DOCK1: variants seen among roughly 807,000 people sequenced by gnomAD.
DOCK1 encodes the protein dedicator of cytokinesis 1, also known as dedicator of cytokinesis protein 1.
In DOCK1, 138 loss-of-function variants were observed where a neutral mutation model predicts 262.7. That is an observed-to-expected ratio of 0.53 (90% CI 0.46 to 0.61). DOCK1 has a LOEUF of 0.61. DOCK1 is among the 20% of genes least tolerant of loss of function. The pLI is 0.00. For missense variants in DOCK1, 1,908 were observed against 2,370.7 expected, an observed-to-expected ratio of 0.80 and a Z score of 4.05; for synonymous variants, 866 against 867.4, an observed-to-expected ratio of 1.00 and a Z score of 0.03.
At chr10:127,075,316 G>A (rs2046462188) in intron 23 of DOCK1, among the ~76,000 whole-genome samples, 2 of 151,810 alleles carry the variant, frequency 1.3e-5, no homozygotes, top group African/African-American at 4.8e-5. Context: ...CTGTCACTTA[G>A]GCTGTAGTGC....
chr10:127,431,563 C>G (rs1312434322), intron 47 of DOCK1, among the ~76,000 whole-genome samples: 1 of 152,226 alleles, frequency 6.6e-6, no homozygotes, highest in Non-Finnish European at 1.5e-5. Flanking sequence ...CAGTGAACAT[C>G]TCCATGAAGC....
At chr10:127,289,267 G>A (rs1019175355) in intron 29 of DOCK1, among the ~76,000 whole-genome samples, 1 of 152,170 alleles carries the variant, frequency 6.6e-6, no homozygotes, top group Non-Finnish European at 1.5e-5. Context: ...CTGGAGACTG[G>A]CGTGTTGTAG....
chr10:127,290,777 C>G (rs1352712396), intron 29 of DOCK1, among the ~76,000 whole-genome samples: 1 of 152,170 alleles, frequency 6.6e-6, no homozygotes, highest in Non-Finnish European at 1.5e-5. Context: ...CCTTTTATTA[C>G]TGAGTAGTAT....
rs2069250253 is a variant in DOCK1, at chr10:127,431,049, G to A, written c.4915-2234G>A. 2.6e-5 allele frequency among the ~76,000 whole-genome samples: 4 copies of A among 151,972 alleles called. No homozygotes were observed. In the South Asian group the frequency reaches 8.3e-4, roughly 32 times the overall value. On this transcript the variant is annotated intron_variant, in intron 47 of 51. Coordinates refer to ENST00000623213, the MANE Select transcript of DOCK1 (RefSeq NM_001290223.2). ...GTTCTAATGCTGGCCCTCTGGGCAG[G>A]GAAGACTGCTCCCTGTGTGCTCAGG... is the stretch of plus-strand genomic sequence containing the variant.
At chr10:127,107,651 A>G (rs2048611520) in intron 24 of DOCK1, among the ~76,000 whole-genome samples, 1 of 152,170 alleles carries the variant, frequency 6.6e-6, no homozygotes, top group African/African-American at 2.4e-5. Flanking sequence ...TTGTTAGAGA[A>G]AGCCAAACTT....
intron 27 of DOCK1, among the ~76,000 whole-genome samples, chr10:127,233,769 ATGTTGATC>A (rs2058941559): frequency 6.6e-6 from 1 of 152,246 alleles, no homozygotes; most frequent in African/African-American, 2.4e-5. Flanking sequence ...ATTATAAAAA[ATGTTGATC>A]TTCTAAGTTT....
chr10:127,282,789 C>A (rs1398519255), intron 29 of DOCK1, among the ~76,000 whole-genome samples: 1 of 152,222 alleles, frequency 6.6e-6, no homozygotes, highest in Non-Finnish European at 1.5e-5. Flanking sequence ...GCAAGCTCTG[C>A]CTTGGCGACA....
chr10:127,422,933 TC>T (rs2068601229), intron 46 of DOCK1, among the ~76,000 whole-genome samples: 1 of 152,178 alleles, frequency 6.6e-6, no homozygotes, highest in South Asian at 2.1e-4. Flanking sequence ...AATAATTTGT[TC>T]CCCAGAGAGC....
At chr10:127,120,404 C>A (rs1474503951) in intron 25 of DOCK1, among the ~76,000 whole-genome samples, 2 of 152,142 alleles carry the variant, frequency 1.3e-5, no homozygotes, top group Non-Finnish European at 2.9e-5. Context: ...ATTCTAGTTG[C>A]CACATTTTAA....
intron 38 of DOCK1, among the ~76,000 whole-genome samples, chr10:127,387,185 C>T (rs1029182422): frequency 6.6e-6 from 1 of 152,192 alleles, no homozygotes; most frequent in Non-Finnish European, 1.5e-5. Flanking sequence ...CGTTGGCTCC[C>T]GCGACCTCTC....
intron 29 of DOCK1, among the ~76,000 whole-genome samples, chr10:127,307,951 G>GT (rs1458766828): frequency 6.6e-6 from 1 of 152,258 alleles, no homozygotes; most frequent in Non-Finnish European, 1.5e-5. Context: ...GTCCCAGCAA[G>GT]TGGCCCCTGT....
chr10:127,227,018 A>T (rs953096651), intron 27 of DOCK1, among the ~76,000 whole-genome samples: 14 of 151,600 alleles, frequency 9.2e-5, no homozygotes, highest in African/African-American at 3.4e-4. Flanking sequence ...CCATGCCCCA[A>T]GCCCCAGCAC....
chr10:127,104,721 A>G (rs1379253189), intron 23 of DOCK1, among the ~76,000 whole-genome samples: 1 of 152,208 alleles, frequency 6.6e-6, no homozygotes, highest in Non-Finnish European at 1.5e-5. Context: ...ACTTAAAGAC[A>G]CAGGTAGAAG....
chr10:127,045,194 T>A (rs1213246490), intron 21 of DOCK1, among the ~76,000 whole-genome samples: 4 of 100,570 alleles, frequency 4.0e-5, no homozygotes, highest in Non-Finnish European at 5.6e-5. Flanking sequence ...CAAGACTCTG[T>A]CTCAATAAAA....
intron 21 of DOCK1, among the ~76,000 whole-genome samples, chr10:127,050,223 C>T (rs934367011): frequency 2.0e-5 from 3 of 150,936 alleles, no homozygotes; most frequent in Non-Finnish European, 4.4e-5. Context: ...ATTTGAATAT[C>T]CTTAATTATA....
chr10:127,427,232 G>C (rs943108697), intron 47 of DOCK1, among the ~76,000 whole-genome samples: 1 of 152,220 alleles, frequency 6.6e-6, no homozygotes, highest in Non-Finnish European at 1.5e-5. Flanking sequence ...AAAGGAAGGC[G>C]AGCTGTGGGA....
chr10:127,141,506 C>T (rs905512544), intron 27 of DOCK1, among the ~76,000 whole-genome samples: 7 of 152,124 alleles, frequency 4.6e-5, no homozygotes, highest in African/African-American at 1.7e-4. Context: ...AGTTCAAGAC[C>T]AGTCTGGCCA....
At chr10:126,921,799 T>C (rs2076530045) in intron 1 of DOCK1, among the ~76,000 whole-genome samples, 1 of 152,110 alleles carries the variant, frequency 6.6e-6, no homozygotes, top group African/African-American at 2.4e-5. Flanking sequence ...ACTATAGGCA[T>C]GCACCACCTG....
At chr10:127,093,243 T>TTTCTTTTCTTTTCTTTCTTTCTTTCTTTC (rs2047680373) in intron 23 of DOCK1, among the ~76,000 whole-genome samples, 8 of 33,016 alleles carry the variant, frequency 2.4e-4, no homozygotes, top group African/African-American at 1.1e-3. Flanking sequence ...TTCTTTCTTC[T>TTTCTTTTCTTTTCTTTCTTTCTTTCTTTC]TTTTTTTTTT....
Sources: allele counts gnomAD v4.1 joint callset (sites outside exome capture counted in the v4.1 genomes callset), GRCh38; gene constraint gnomAD v4.1.1; transcripts MANE v1.5; gene names NCBI Gene and HGNC (gene_info 2026-07-23, HGNC 2026-07-21).